The following SYNC variants were observed in gnomAD, a reference collection of about 807,000 sequenced individuals.
SYNC encodes the protein syncoilin.
A neutral mutation model predicts 49.5 loss-of-function variants in SYNC; 38 were observed. The ratio of observed to expected loss-of-function variants is 0.77; its 90% confidence interval spans 0.59 to 1.01. SYNC has a LOEUF of 1.01. Ranked by LOEUF, SYNC falls within the 50% of genes least tolerant of loss-of-function variation. The pLI, the probability that SYNC is intolerant of heterozygous loss-of-function variation, is 0.00. For missense variants in SYNC, 579 were observed against 580.6 expected (o/e 1.00, Z 0.03); for synonymous variants, 201 against 230.8 (o/e 0.87, Z 1.17).
At position 32,695,004 on chromosome 1, in the gene SYNC, T is replaced by C. The variant is rs1249123320; in HGVS notation, c.1094A>G (p.Gln365Arg). ...CTCCTTCATTTCCTGGATCTCAGCCTGGGTTCTCTGCAGAGCTTTGGTCCC... is the reference window on the plus strand; with the variant it reads ...CTCCTTCATTTCCTGGATCTCAGCCCGGGTTCTCTGCAGAGCTTTGGTCCC... The part of the protein sequence containing the change: ...EAGTKALQRT[Q>R]AEIQEMKEAL... The change falls in exon 2 of 5, where the codon CAG becomes CGG. Residue 365 changes from glutamine to arginine, a missense_variant. Coordinates refer to ENST00000409190, the MANE Select transcript of SYNC (RefSeq NM_030786.3). 1.2e-5 allele frequency: 19 copies of C among 1,614,074 alleles called. No individual in the cohort carries two copies. Among genetic ancestry groups the C allele is most frequent in the Non-Finnish European group, 1.6e-5 (19 of 1,180,008 alleles).
chr1:32,699,535 G>C (rs759524276), intron 1 of SYNC, among the ~76,000 whole-genome samples: 3 of 151,884 alleles, frequency 2.0e-5, no homozygotes, highest in African/African-American at 4.8e-5. Flanking sequence ...CCTACTCCAA[G>C]ACATCCTGTC....
chr1:32,683,233 T>G (rs1221994425), intron 4 of SYNC: 2 of 126,986 alleles, frequency 1.6e-5, no homozygotes, highest in African/African-American at 6.2e-5. Context: ...GCCACTGCAC[T>G]CCAGCCTGGC....
rs1485102459 is a variant in SYNC at position 32,681,839 on chromosome 1, G to A, written c.*11C>T. 2 of 1,614,118 alleles carry A rather than the reference G, an allele frequency of 1.2e-6. No individual in the cohort carries two copies. Among genetic ancestry groups the A allele is most frequent in the South Asian group, 1.1e-5 (1 of 91,074 alleles). ...TTGCTGTTTCCGGGTTACAGATTTG[G>A]CCATATATTTCTAAACAGCCCCTGT... is the stretch of plus-strand genomic sequence containing the variant. On this transcript the variant is annotated 3_prime_UTR_variant, in exon 5 of 5. Coordinates refer to ENST00000409190, the MANE Select transcript of SYNC (RefSeq NM_030786.3).
At chr1:32,687,516 C>CA in intron 2 of SYNC, among the ~76,000 whole-genome samples, 2 of 151,322 alleles carry the variant, frequency 1.3e-5, no homozygotes, top group Non-Finnish European at 2.9e-5. Flanking sequence ...ACTAAAAATA[C>CA]AAAAATTAGT....
Position 32,696,454 on chromosome 1 carries a change from G to T in SYNC, c.54-410C>A, listed in dbSNP as rs563864260. Among the ~76,000 whole-genome samples, 3 of 151,042 alleles carry T rather than the reference G, an allele frequency of 2.0e-5. No homozygotes were observed. The Admixed American group carries it at 2.0e-4, about 10-fold the overall frequency. On this transcript the variant is annotated intron_variant, in intron 1 of 4. Transcript: ENST00000409190. ...TCAGCCTCCCAAGTAGCACCACCACGCCTTTTTTTTTTGAGACGGAGTCTT... is the reference window on the plus strand; with the variant it reads ...TCAGCCTCCCAAGTAGCACCACCACTCCTTTTTTTTTTGAGACGGAGTCTT...
At chr1:32,694,363 CAG>C (rs1312819342) in intron 2 of SYNC, among the ~76,000 whole-genome samples, 2 of 148,430 alleles carry the variant, frequency 1.3e-5, no homozygotes, top group African/African-American at 2.5e-5. Context: ...GCAAAAAAAA[CAG>C]AGTGCAGGCC....
chr1:32,700,377 A>G (rs1183787102), intron 1 of SYNC, among the ~76,000 whole-genome samples: 1 of 152,186 alleles, frequency 6.6e-6, no homozygotes, highest in African/African-American at 2.4e-5. Context: ...TAGGCATTTT[A>G]CATGAATACT....
At position 32,684,283 on chromosome 1, in the gene SYNC, G is replaced by C; in HGVS notation, c.1333C>G (p.Leu445Val). 4 of 1,614,208 alleles carry C rather than the reference G, an allele frequency of 2.5e-6. No homozygotes were observed. The highest frequency in any genetic ancestry group is 3.4e-6 in the Non-Finnish European group (4 of 1,180,040). Residue 445 changes from leucine (L) to valine (V), a missense_variant, in exon 3 of 5, where the codon CTT becomes GTT. Leu to Val is a conservative substitution (Grantham distance 32). Transcript: ENST00000409190. Reference sequence around the variant, plus strand: ...TTATAAGTAGAGAGCTCTTCAGCAAGACTGAGCCTTAGCTGTTCCATCTCT... The same window carrying C: ...TTATAAGTAGAGAGCTCTTCAGCAACACTGAGCCTTAGCTGTTCCATCTCT... ...NKEMEQLRLS[L>V]AEELSTYKAM...
chr1:32,684,211 C>G (rs750129550), intron 3 of SYNC, 47 bp downstream of exon 3: 2 of 1,609,332 alleles, frequency 1.2e-6, no homozygotes, highest in African/African-American at 2.7e-5. Flanking sequence ...CTCCCACCAT[C>G]CCCTCAGCCA....
chr1:32,687,855 A>ATTT (rs143074006), intron 2 of SYNC, among the ~76,000 whole-genome samples: 2 of 135,516 alleles, frequency 1.5e-5, no homozygotes, highest in African/African-American at 5.5e-5. Flanking sequence ...TATTATTATT[A>ATTT]TTATTATTTT....
At chr1:32,696,700 G>A (rs778288491) in intron 1 of SYNC, among the ~76,000 whole-genome samples, 1 of 151,298 alleles carries the variant, frequency 6.6e-6, no homozygotes, top group Admixed American at 6.6e-5. Flanking sequence ...TGCCCGCCTC[G>A]GCCTCCCAAA....
upstream of SYNC, chr1:32,703,052 A>G (rs360507): frequency 0.041 from 6,264 of 152,144 alleles, 358 homozygotes; most frequent in African/African-American, 0.13. Flanking sequence ...GGGAGGGTGG[A>G]GGCAGGGTTG....
chr1:32,695,459 T>C lies in SYNC; in HGVS notation c.639A>G (p.Gln213=), dbSNP rs1435686245. The change falls in exon 2 of 5, where the codon CAA becomes CAG. Residue 213 remains glutamine (Q), a synonymous_variant. Transcript: ENST00000409190. ...LREPALQEVQ[Q]VHQDILAAYK... is the part of the protein sequence containing the mutation. ...AGGCAGCCAGGATGTCTTGATGGACTTGCTGTACCTCCTGCAGGGCTGGTT... is the reference window on the plus strand; with the variant it reads ...AGGCAGCCAGGATGTCTTGATGGACCTGCTGTACCTCCTGCAGGGCTGGTT... 2 of 1,551,586 alleles carry C rather than the reference T, an allele frequency of 1.3e-6. No homozygotes were observed. Among genetic ancestry groups the C allele is most frequent in the Admixed American group, 3.9e-5 (2 of 50,886 alleles).
In SYNC at chr1:32,694,948, G is replaced by T; in HGVS notation, c.1150C>A (p.Gln384Lys). ...AGGTTCCTGTTTTGCAGGCGGAGCT[G>T]CCGGGCCTCTGCTTGCAGGGGTCTC... ...ALRPLQAEAR[Q>K]LRLQNRNLED... Residue 384 changes from glutamine (Q) to lysine (K), a missense_variant, in exon 2 of 5, where the codon CAG becomes AAG. Physicochemically the swap from Gln to Lys is moderately conservative, Grantham distance 53 (BLOSUM62 1). Transcript: ENST00000409190. 1 of 1,613,966 alleles carries T rather than the reference G, an allele frequency of 6.2e-7. No individual in the cohort carries two copies. Among genetic ancestry groups the T allele is most frequent in the Non-Finnish European group, 8.5e-7 (1 of 1,179,996 alleles).
intron 2 of SYNC, among the ~76,000 whole-genome samples, chr1:32,694,346 C>A (rs1439782816): frequency 1.3e-5 from 2 of 151,146 alleles, no homozygotes; most frequent in Non-Finnish European, 2.9e-5. Context: ...GACAGCAAGA[C>A]CCTGTCGCAA....
At chr1:32,689,089 C>T (rs1188344892) in intron 2 of SYNC, among the ~76,000 whole-genome samples, 1 of 151,692 alleles carries the variant, frequency 6.6e-6, no homozygotes, top group African/African-American at 2.4e-5. Context: ...CAGGCACATG[C>T]CACCACGCCC....
In SYNC at chr1:32,681,040, C is replaced by CT. The variant is rs1649400351; in HGVS notation, c.*809dup. The CT allele has an allele frequency of 6.5e-6, 1 of 153,044 alleles. No individual in the cohort carries two copies. Among genetic ancestry groups the CT allele is most frequent in the Non-Finnish European group, 1.5e-5 (1 of 68,366 alleles). 9.5% of individuals were successfully genotyped at this position (153,044 alleles called of 1,614,324 possible). A position where few individuals can be genotyped will look rare whatever the true frequency, so the allele number is the denominator to read the frequency against. On this transcript the variant is annotated 3_prime_UTR_variant, in exon 5 of 5. Coordinates refer to ENST00000409190, the MANE Select transcript of SYNC (RefSeq NM_030786.3). ...TCCCCAGTATGTTTTTCACTGGGGC[C>CT]TTTACTTAGGTTAGAAATAATAGGC... is the stretch of plus-strand genomic sequence containing the variant.
chr1:32,687,986 A>C (rs890062535), intron 2 of SYNC, among the ~76,000 whole-genome samples: 4 of 151,608 alleles, frequency 2.6e-5, no homozygotes, highest in African/African-American at 7.3e-5. Flanking sequence ...AGTAGCTGGG[A>C]CTACAGGCGG....
At chr1:32,688,450 A>G (rs1163073242) in intron 2 of SYNC, among the ~76,000 whole-genome samples, 2 of 152,130 alleles carry the variant, frequency 1.3e-5, no homozygotes, top group East Asian at 1.9e-4. Flanking sequence ...GTGCCTTATC[A>G]CTACAGCTAT....
Sources: gnomAD v4.1 joint callset for allele counts (sites outside exome capture counted in the v4.1 genomes callset) on GRCh38, gnomAD v4.1.1 for gene constraint, MANE v1.5 for transcripts, NCBI Gene and HGNC (gene_info 2026-07-23, HGNC 2026-07-21) for gene names.